IGSF21: variants seen among roughly 807,000 people sequenced by gnomAD.
IGSF21 encodes the protein immunoglobin superfamily member 21, also known as immunoglobulin superfamily member 21.
IGSF21 carries 28 observed loss-of-function variants against 46.8 expected under a neutral mutation model. The ratio of observed to expected loss-of-function variants is 0.60; its 90% confidence interval spans 0.44 to 0.82. The LOEUF (loss-of-function observed/expected upper bound fraction) is 0.82, where lower values mean the gene tolerates loss of function less well. Ranked by LOEUF, IGSF21 falls within the 40% of genes least tolerant of loss-of-function variation. The pLI, the probability that IGSF21 is intolerant of heterozygous loss-of-function variation, is 0.00. For missense variants in IGSF21, 624 were observed against 665.5 expected (o/e 0.94, Z 0.69); for synonymous variants, 284 against 273.6 (o/e 1.04, Z -0.38).
chr1:18,144,882 G>T (rs1019008757), intron 1 of IGSF21, among the ~76,000 whole-genome samples: 2 of 152,134 alleles, frequency 1.3e-5, no homozygotes, highest in African/African-American at 4.8e-5. Context: ...ACAACTTGAC[G>T]ATTGTGGTGA....
At chr1:18,212,551 C>T (rs368324426) in intron 1 of IGSF21, among the ~76,000 whole-genome samples, 112 of 152,308 alleles carry the variant, frequency 7.4e-4, no homozygotes, top group African/African-American at 2.3e-3. Flanking sequence ...GGGACTTGCC[C>T]TTTGTGTCCA....
chr1:18,193,559 AG>A (rs2086978685), intron 1 of IGSF21, among the ~76,000 whole-genome samples: 1 of 152,152 alleles, frequency 6.6e-6, no homozygotes, highest in Non-Finnish European at 1.5e-5. Context: ...CATGGGAGAA[AG>A]ATGTAGGCTG....
At chr1:18,190,543 C>T (rs1326496095) in intron 1 of IGSF21, among the ~76,000 whole-genome samples, 4 of 152,190 alleles carry the variant, frequency 2.6e-5, no homozygotes, top group Non-Finnish European at 5.9e-5. Flanking sequence ...GATTCTTCAC[C>T]TCTATTCATC....
At chr1:18,125,270 T>G (rs1429010179) in intron 1 of IGSF21, among the ~76,000 whole-genome samples, 7 of 152,214 alleles carry the variant, frequency 4.6e-5, no homozygotes, top group Non-Finnish European at 8.8e-5. Context: ...ATCTGGGACA[T>G]CACTTCATTC....
intron 5 of IGSF21, among the ~76,000 whole-genome samples, chr1:18,364,158 A>G (rs376709143): frequency 2.6e-5 from 4 of 152,164 alleles, no homozygotes; most frequent in East Asian, 1.9e-4. Context: ...GACATGCAAA[A>G]GAACCTCATC....
chr1:18,171,577 C>T (rs2086737580), intron 1 of IGSF21, among the ~76,000 whole-genome samples: 1 of 152,184 alleles, frequency 6.6e-6, no homozygotes, highest in South Asian at 2.1e-4. Context: ...CCTCTCCAAG[C>T]CTCAGTTTCC....
chr1:18,273,850 T>C (rs1035568421), intron 2 of IGSF21, among the ~76,000 whole-genome samples: 3 of 152,224 alleles, frequency 2.0e-5, no homozygotes, highest in African/African-American at 4.8e-5. Flanking sequence ...AGATAGGAGC[T>C]GCCCGTGCTA....
chr1:18,306,335 A>C (rs1028580870), intron 3 of IGSF21, among the ~76,000 whole-genome samples: 3 of 152,144 alleles, frequency 2.0e-5, no homozygotes, highest in Non-Finnish European at 4.4e-5. Flanking sequence ...CCCTGGTGTC[A>C]GATCAAATGT....
chr1:18,175,847 C>T (rs2086790429), intron 1 of IGSF21, among the ~76,000 whole-genome samples: 1 of 152,224 alleles, frequency 6.6e-6, no homozygotes, highest in Non-Finnish European at 1.5e-5. Context: ...CTGTTAATCA[C>T]GCACTGATTA....
Position 18,376,854 on chromosome 1 carries a change from C to T in IGSF21, c.1156C>T (p.Leu386=), listed in dbSNP as rs1031774912. The change falls in exon 8 of 10, where the codon CTG becomes TTG. Residue 386 remains leucine (L), a synonymous_variant. Coordinates refer to ENST00000251296, the MANE Select transcript of IGSF21 (RefSeq NM_032880.5). ...GTGGACGCGGGTTGGGAGCCGCCTC[C>T]TGGACGGCAGCGCTGAGTTCGACGG... ...FTWTRVGSRL[L]DGSAEFDGKE... The T allele has an allele frequency of 4.2e-5, 67 of 1,611,070 alleles. 5 individuals are homozygous for T. The highest frequency in any genetic ancestry group is 4.2e-6 in the Non-Finnish European group (5 of 1,177,698).
At chr1:18,176,570 G>A (rs1320385674) in intron 1 of IGSF21, among the ~76,000 whole-genome samples, 1 of 152,198 alleles carries the variant, frequency 6.6e-6, no homozygotes, top group Non-Finnish European at 1.5e-5. Context: ...ATCCTCGGGA[G>A]CAGTTTTCCA....
At chr1:18,170,539 C>CT (rs1387298957) in intron 1 of IGSF21, among the ~76,000 whole-genome samples, 3 of 151,502 alleles carry the variant, frequency 2.0e-5, no homozygotes, top group African/African-American at 7.3e-5. Flanking sequence ...ATATATTTTA[C>CT]TTTTTTGTTT....
At chr1:18,354,403 C>G (rs1013868886) in intron 4 of IGSF21, among the ~76,000 whole-genome samples, 1 of 149,536 alleles carries the variant, frequency 6.7e-6, no homozygotes, top group African/African-American at 2.5e-5. Context: ...ATGTGTGGAA[C>G]CAAAAGAAAA....
intron 4 of IGSF21, among the ~76,000 whole-genome samples, chr1:18,338,517 G>T (rs574518295): frequency 6.6e-6 from 1 of 152,130 alleles, no homozygotes; most frequent in African/African-American, 2.4e-5. Context: ...AAGGAGAGCC[G>T]AGGAGCTGGG....
chr1:18,352,456 C>T (rs1227403789), intron 4 of IGSF21, among the ~76,000 whole-genome samples: 3 of 152,138 alleles, frequency 2.0e-5, no homozygotes, highest in Non-Finnish European at 4.4e-5. Context: ...CAAGGATTTG[C>T]GTTTCTAATA....
In IGSF21 at chr1:18,333,067, A is replaced by G. The variant is rs145333444; in HGVS notation, c.306-1825A>G. On this transcript the variant is annotated intron_variant, in intron 3 of 9. Coordinates refer to ENST00000251296, the MANE Select transcript of IGSF21 (RefSeq NM_032880.5). Reference sequence around the variant, plus strand: ...AGGCTGAAGGGAGGATAAGAACTGGATTGAAAGAACCTCCATTCTCAGGGG... The same window carrying G: ...AGGCTGAAGGGAGGATAAGAACTGGGTTGAAAGAACCTCCATTCTCAGGGG... 2.0e-5 allele frequency among the ~76,000 whole-genome samples: 3 copies of G among 152,286 alleles called. No homozygotes were observed. In the East Asian group the frequency reaches 5.8e-4, roughly 29 times the overall value.
intron 3 of IGSF21, among the ~76,000 whole-genome samples, chr1:18,309,494 TG>T (rs2124583457): frequency 6.6e-6 from 1 of 152,326 alleles, no homozygotes; most frequent in South Asian, 2.1e-4. Flanking sequence ...GTTAGGGTAC[TG>T]GCCCTTCTCC....
rs2085783730 is a variant in IGSF21, at chr1:18,337,600, AG to A, written c.424+2593del. Among the ~76,000 whole-genome samples, 1 of 151,938 alleles carries A rather than the reference AG, an allele frequency of 6.6e-6. No individual in the cohort carries two copies. Among genetic ancestry groups the A allele is most frequent in the African/African-American group, 2.4e-5 (1 of 41,438 alleles). ...CACGCACCGTGGCAACCTGGAAGCC[AG>A]GGTGTGTCTCTGGGAGTGGCAGAGA... On this transcript the variant is annotated intron_variant, in intron 4 of 9. Coordinates refer to ENST00000251296, the MANE Select transcript of IGSF21 (RefSeq NM_032880.5). This position sits in a 1 kb window ranked among gnomAD's most constrained non-coding sequence, Gnocchi z 5.7.
chr1:18,368,193 G>A (rs1162283223), intron 6 of IGSF21, among the ~76,000 whole-genome samples: 1 of 151,876 alleles, frequency 6.6e-6, no homozygotes, highest in African/African-American at 2.4e-5. Context: ...GGTACTCTTT[G>A]TTCATCATTC....
Sources: allele counts gnomAD v4.1 joint callset (sites outside exome capture counted in the v4.1 genomes callset), GRCh38; gene constraint gnomAD v4.1.1; non-coding constraint Gnocchi (gnomAD v3.1); transcripts MANE v1.5; gene names NCBI Gene and HGNC (gene_info 2026-07-23, HGNC 2026-07-21).